The following GREB1L variants were observed in gnomAD, a reference collection of about 807,000 sequenced individuals.
The protein encoded by GREB1L is GREB1 like retinoic acid receptor coactivator.
GREB1L carries 17 observed loss-of-function variants against 200.8 expected under a neutral mutation model. The observed-to-expected ratio is 0.08, with a 90% CI of 0.06 to 0.13. The LOEUF (loss-of-function observed/expected upper bound fraction) is 0.13. GREB1L is among the 10% of genes least tolerant of loss of function. The pLI is 1.00. For missense variants in GREB1L, 1,657 were observed against 2,367.7 expected (o/e 0.70, Z 6.23); for synonymous variants, 789 against 893.0 (o/e 0.88, Z 2.08).
chr18:21,395,263 G>A, intron 4 of GREB1L, 122 bp from the exon 5 acceptor site: 1 of 743,422 alleles, frequency 1.3e-6, no homozygotes, highest in Non-Finnish European at 2.2e-6. Flanking sequence ...TAGGGGTATA[G>A]GGACTTTAAT....
chr18:21,520,024 C>T (rs1251709057), intron 31 of GREB1L, among the ~76,000 whole-genome samples: 1 of 151,970 alleles, frequency 6.6e-6, no homozygotes, highest in Non-Finnish European at 1.5e-5. Flanking sequence ...GCAACCTCCA[C>T]CTCCAGGGTT....
intron 1 of GREB1L, among the ~76,000 whole-genome samples, chr18:21,307,754 C>T (rs923969599): frequency 3.3e-5 from 5 of 151,852 alleles, no homozygotes; most frequent in African/African-American, 9.7e-5. Context: ...GACTCGGGGG[C>T]GGGGGGGAGG....
chr18:21,458,607 G>A (rs1906652013), intron 15 of GREB1L, among the ~76,000 whole-genome samples: 1 of 152,070 alleles, frequency 6.6e-6, no homozygotes, highest in South Asian at 2.1e-4. Context: ...GCACTAAAGT[G>A]AAGCATTTGA....
intron 1 of GREB1L, among the ~76,000 whole-genome samples, chr18:21,309,436 T>A (rs1162977439): frequency 2.0e-5 from 3 of 152,136 alleles, no homozygotes. Context: ...GTGAGAGTGT[T>A]TTGGCAGCCC....
intron 1 of GREB1L, among the ~76,000 whole-genome samples, chr18:21,293,844 A>G (rs1191934774): frequency 1.3e-5 from 2 of 152,134 alleles, no homozygotes; most frequent in African/African-American, 2.4e-5. Context: ...CAGTGGAGTG[A>G]TCCCGGCTCA....
At chr18:21,275,375 TTTAA>T (rs778209865) in intron 1 of GREB1L, among the ~76,000 whole-genome samples, 23 of 152,346 alleles carry the variant, frequency 1.5e-4, no homozygotes, top group Non-Finnish European at 2.6e-4. Context: ...TTTTAAAATT[TTTAA>T]TTATTTATTT....
At chr18:21,261,653 T>C (rs1190889513) in intron 1 of GREB1L, among the ~76,000 whole-genome samples, 1 of 152,078 alleles carries the variant, frequency 6.6e-6, no homozygotes, top group Non-Finnish European at 1.5e-5. Context: ...AAAGCGACAC[T>C]GTAGCATGCC....
chr18:21,324,672 TGGC>T (rs2038996377), intron 1 of GREB1L, among the ~76,000 whole-genome samples: 1 of 152,114 alleles, frequency 6.6e-6, no homozygotes, highest in African/African-American at 2.4e-5. Context: ...TAGCCAGGCA[TGGC>T]GGCATGTGCC....
At chr18:21,372,485 T>G (rs2039914668) in intron 2 of GREB1L, among the ~76,000 whole-genome samples, 1 of 151,772 alleles carries the variant, frequency 6.6e-6, no homozygotes, top group South Asian at 2.1e-4. Context: ...ACACGAGAGA[T>G]TTTTTTTGCA....
intron 1 of GREB1L, among the ~76,000 whole-genome samples, chr18:21,299,064 G>A (rs2038575475): frequency 6.6e-6 from 1 of 152,064 alleles, no homozygotes; most frequent in South Asian, 2.1e-4. Context: ...GATCACGTGA[G>A]GTCAGGAGTT....
At chr18:21,322,729 A>C (rs563438130) in intron 1 of GREB1L, among the ~76,000 whole-genome samples, 1 of 152,290 alleles carries the variant, frequency 6.6e-6, no homozygotes, top group East Asian at 1.9e-4. Flanking sequence ...TACATACTAG[A>C]ATTTAGGATA....
intron 7 of GREB1L, among the ~76,000 whole-genome samples, chr18:21,427,730 G>A (rs2144998810): frequency 6.6e-6 from 1 of 152,216 alleles, no homozygotes; most frequent in South Asian, 2.1e-4. Context: ...TCATTTATTA[G>A]CTCTAGTAGT....
At chr18:21,515,670 T>C in intron 29 of GREB1L, 26 bp downstream of exon 29, 1 of 1,480,334 alleles carries the variant, frequency 6.8e-7, no homozygotes, top group Non-Finnish European at 9.2e-7. Flanking sequence ...TGGATGCAGG[T>C]AATCCTGGCA....
At chr18:21,340,118 A>C (rs1261680230) in intron 1 of GREB1L, among the ~76,000 whole-genome samples, 2 of 152,208 alleles carry the variant, frequency 1.3e-5, no homozygotes, top group Admixed American at 1.3e-4. Flanking sequence ...TCATTGCAGC[A>C]CAATAGAAAA....
chr18:21,516,877 GTTTT>G, intron 30 of GREB1L, 123 bp downstream of exon 30: 73 of 495,040 alleles, frequency 1.5e-4, no homozygotes, highest in East Asian at 3.4e-4. Context: ...ACACAAGGGA[GTTTT>G]TTTTTTTTTT....
intron 1 of GREB1L, among the ~76,000 whole-genome samples, chr18:21,327,808 G>A (rs1303694028): frequency 6.6e-6 from 1 of 151,988 alleles, no homozygotes; most frequent in Non-Finnish European, 1.5e-5. Context: ...TGCCTCCCGG[G>A]TTCACGCCAT....
chr18:21,438,990 GAAAA>G (rs1218185238), intron 7 of GREB1L, among the ~76,000 whole-genome samples: 2 of 147,716 alleles, frequency 1.4e-5, no homozygotes, highest in Non-Finnish European at 3.0e-5. Flanking sequence ...GAAAAGAAAA[GAAAA>G]GAAAGAAAGA....
At position 21,524,667 on chromosome 18, in the gene GREB1L, CCT is replaced by C. The variant is rs1568085318; in HGVS notation, c.*1850_*1851del. ...AAACAATTGTACCTGGGGTGGATGG[CCT>C]CTCAGGGTTTCTTCTGGCTTTATGA... is the stretch of plus-strand genomic sequence containing the variant. On this transcript the variant is annotated 3_prime_UTR_variant, in exon 33 of 33. Transcript: ENST00000424526. The C allele has an allele frequency of 3.9e-5, 6 of 152,072 alleles. No individual in the cohort carries two copies. 9.4% of individuals were successfully genotyped at this position (152,072 alleles called of 1,614,324 possible).
intron 7 of GREB1L, among the ~76,000 whole-genome samples, chr18:21,418,610 G>A (rs1190022051): frequency 3.9e-5 from 6 of 152,116 alleles, no homozygotes; most frequent in South Asian, 2.1e-4. Context: ...TGTGACCTCC[G>A]CCTCCTGGGT....
Sources: gnomAD v4.1 joint callset for allele counts (sites outside exome capture counted in the v4.1 genomes callset) on GRCh38, gnomAD v4.1.1 for gene constraint, MANE v1.5 for transcripts, NCBI Gene and HGNC (gene_info 2026-07-23, HGNC 2026-07-21) for gene names.